PCDHA1: variants seen among roughly 807,000 people sequenced by gnomAD.
PCDHA1 encodes the protein protocadherin alpha-1.
Under a neutral mutation model 61.3 loss-of-function variants are expected in PCDHA1, and 42 were observed. The ratio of observed to expected loss-of-function variants is 0.69; its 90% CI spans 0.54 to 0.89. The LOEUF is 0.89. Ranked by LOEUF, PCDHA1 falls within the 40% of genes least tolerant of loss-of-function variation. The pLI, the probability that PCDHA1 is intolerant of heterozygous loss-of-function variation, is 0.00. For synonymous variants in PCDHA1, 610 were observed against 553.8 expected, an observed-to-expected ratio of 1.10 and a Z score of -1.43; for missense variants, 1,256 against 1,235.3, an observed-to-expected ratio of 1.02 and a Z score of -0.25.
chr5:140,971,537 G>T (rs1414023721), intron 1 of PCDHA1, among the ~76,000 whole-genome samples: 1 of 152,136 alleles, frequency 6.6e-6, no homozygotes, highest in Non-Finnish European at 1.5e-5. Flanking sequence ...AGTCATCATT[G>T]CCAGATCAAC....
Position 141,010,327 on chromosome 5 carries a change from G to T in PCDHA1, c.*390G>T, listed in dbSNP as rs2098416942. 5 of 1,539,742 alleles carry T rather than the reference G, an allele frequency of 3.2e-6. No individual in the cohort carries two copies. The highest frequency in any genetic ancestry group is 2.4e-5 in the South Asian group (2 of 82,532). On this transcript the variant is annotated 3_prime_UTR_variant, in exon 4 of 4. Transcript: ENST00000504120. ...AAAGTTTTGAGATTGAGCAGCTTGGGAGTTTGTGGCCACTGGGTATGTGTG... is the reference window on the plus strand; with the variant it reads ...AAAGTTTTGAGATTGAGCAGCTTGGTAGTTTGTGGCCACTGGGTATGTGTG...
intron 1 of PCDHA1, chr5:140,860,340 C>G (rs981702671): frequency 6.6e-6 from 1 of 151,936 alleles, no homozygotes; most frequent in Admixed American, 6.6e-5. Context: ...ATGATTGTGC[C>G]ACTGCACTCC....
intron 1 of PCDHA1, chr5:140,884,314 G>T: frequency 6.2e-7 from 1 of 1,613,760 alleles, no homozygotes. Context: ...CGTCGAGGGC[G>T]TCGGCAGGCG....
chr5:140,869,670 T>G, intron 1 of PCDHA1: 1 of 1,613,470 alleles, frequency 6.2e-7, no homozygotes, highest in Non-Finnish European at 8.5e-7. Context: ...GTAAGCAGAT[T>G]AAAAGACTGT....
At chr5:140,821,477 G>A in intron 1 of PCDHA1, 1 of 272,630 alleles carries the variant, frequency 3.7e-6, no homozygotes, top group Non-Finnish European at 6.9e-6. Context: ...TTGAAAGTGA[G>A]AATACTTGAG....
chr5:140,848,512 G>A (rs1781566761), intron 1 of PCDHA1: 1 of 1,590,350 alleles, frequency 6.3e-7, no homozygotes, highest in South Asian at 1.1e-5. Context: ...TACTCAAGTC[G>A]AGGAGATCCA....
intron 1 of PCDHA1, chr5:140,843,887 A>G: frequency 1.4e-6 from 1 of 705,148 alleles, no homozygotes. Context: ...ATAATACAGT[A>G]TTAATCATTC....
intron 1 of PCDHA1, chr5:140,860,177 G>A (rs1218765460): frequency 6.7e-6 from 1 of 148,372 alleles, no homozygotes; most frequent in Admixed American, 6.7e-5. Flanking sequence ...ATATATATAT[G>A]ATGGGCTCTC....
intron 1 of PCDHA1, among the ~76,000 whole-genome samples, chr5:140,798,899 A>G (rs1231068898): frequency 6.6e-6 from 1 of 152,360 alleles, no homozygotes; most frequent in African/African-American, 2.4e-5. Context: ...TTTATTCTAA[A>G]TATATGTGCA....
chr5:140,868,731 G>A (rs1002022928), intron 1 of PCDHA1: 2 of 192,996 alleles, frequency 1.0e-5, no homozygotes, highest in South Asian at 1.2e-4. Context: ...GATGTTAATC[G>A]AGAAATACAA....
At chr5:140,937,878 C>G (rs2091818368) in intron 1 of PCDHA1, among the ~76,000 whole-genome samples, 1 of 150,504 alleles carries the variant, frequency 6.6e-6, no homozygotes, top group Admixed American at 6.6e-5. Context: ...CGCCACTGCA[C>G]TCCAGCCTGG....
chr5:140,914,510 A>G (rs900880100), intron 1 of PCDHA1, among the ~76,000 whole-genome samples: 1 of 152,100 alleles, frequency 6.6e-6, no homozygotes, highest in Non-Finnish European at 1.5e-5. Context: ...TCATTGGGTC[A>G]TGTTTTTTCA....
At chr5:140,876,808 G>T in intron 1 of PCDHA1, 1 of 1,614,222 alleles carries the variant, frequency 6.2e-7, no homozygotes, top group Non-Finnish European at 8.5e-7. Flanking sequence ...CGTGGAGGTG[G>T]CCGACGTGAA....
At chr5:140,822,751 A>G in intron 1 of PCDHA1, 1 of 1,613,920 alleles carries the variant, frequency 6.2e-7, no homozygotes, top group Non-Finnish European at 8.5e-7. Context: ...GGATAAAAGT[A>G]CATTCCCATT....
chr5:140,845,723 T>A (rs1461937173), intron 1 of PCDHA1, among the ~76,000 whole-genome samples: 7 of 149,666 alleles, frequency 4.7e-5, no homozygotes, highest in African/African-American at 1.5e-4. Context: ...GCATGATAAA[T>A]GTGAATTCTA....
At chr5:140,868,689 T>A (rs951881699) in intron 1 of PCDHA1, 4 of 174,918 alleles carry the variant, frequency 2.3e-5, no homozygotes, top group Admixed American at 2.1e-4. Flanking sequence ...GTTATAATGT[T>A]AAGTCAAACA....
chr5:140,857,420 G>T lies in PCDHA1; in HGVS notation c.2394+68736G>T. The T allele has an allele frequency of 6.9e-6, 11 of 1,598,360 alleles. 1 individual carries two copies. Among genetic ancestry groups the T allele is most frequent in the Non-Finnish European group, 8.6e-6 (10 of 1,167,812 alleles). On this transcript the variant is annotated intron_variant, in intron 1 of 3. Coordinates refer to ENST00000504120, the MANE Select transcript of PCDHA1 (RefSeq NM_018900.4). Reference sequence around the variant, plus strand: ...CAACGCGCCTGCGTTCGCGCAGTCCGAGTACACGGTGTTCGTGAAGGAGAA... The same window carrying T: ...CAACGCGCCTGCGTTCGCGCAGTCCTAGTACACGGTGTTCGTGAAGGAGAA...
intron 1 of PCDHA1, among the ~76,000 whole-genome samples, chr5:140,844,800 T>C (rs1779552388): frequency 6.7e-6 from 1 of 149,422 alleles, no homozygotes; most frequent in South Asian, 2.1e-4. Flanking sequence ...AACATTTTCT[T>C]TCTTTTATTT....
chr5:140,877,044 C>G (rs2056811009), intron 1 of PCDHA1: 2 of 1,612,634 alleles, frequency 1.2e-6, no homozygotes, highest in Non-Finnish European at 1.7e-6. Context: ...AGCCGCTAGA[C>G]CACGAGGAGC....
Sources: gnomAD v4.1 joint callset for allele counts (sites outside exome capture counted in the v4.1 genomes callset) on GRCh38, gnomAD v4.1.1 for gene constraint, MANE v1.5 for transcripts, NCBI Gene and HGNC (gene_info 2026-07-23, HGNC 2026-07-21) for gene names.